The following RAP1B variants were observed in gnomAD, a reference collection of about 807,000 sequenced individuals.
RAP1B encodes the protein ras-related protein Rap-1b.
RAP1B carries 1 observed loss-of-function variant against 27.5 expected under a neutral mutation model. The observed-to-expected ratio is 0.04, with a 90% CI of 0.01 to 0.17. The LOEUF (loss-of-function observed/expected upper bound fraction) is 0.17, where lower values mean the gene tolerates loss of function less well. RAP1B is among the 10% of genes least tolerant of loss of function. The pLI, the probability that RAP1B is intolerant of heterozygous loss-of-function variation, is 1.00. For synonymous variants in RAP1B, 75 were observed against 73.1 expected, an observed-to-expected ratio of 1.03 and a Z score of -0.13; for missense variants, 84 against 214.8, an observed-to-expected ratio of 0.39 and a Z score of 3.81.
At chr12:68,636,027 C>A (rs4913461) in intron 1 of RAP1B, among the ~76,000 whole-genome samples, 1 of 151,616 alleles carries the variant, frequency 6.6e-6, no homozygotes, top group Admixed American at 6.6e-5. Flanking sequence ...TACAAGCGCC[C>A]GCCACCACAT....
chr12:68,631,140 A>C (rs1872205144), intron 1 of RAP1B, among the ~76,000 whole-genome samples: 1 of 152,154 alleles, frequency 6.6e-6, no homozygotes, highest in South Asian at 2.1e-4. Flanking sequence ...ATATCCTGTT[A>C]TAAAAAATAG....
intron 1 of RAP1B, chr12:68,642,392 T>G: frequency 2.1e-6 from 1 of 487,208 alleles, no homozygotes; most frequent in Admixed American, 3.4e-5. Context: ...GAGTTAGCAA[T>G]GAGAGATATT....
At chr12:68,657,281 G>C in intron 7 of RAP1B, 64 bp downstream of exon 7, 1 of 1,029,710 alleles carries the variant, frequency 9.7e-7, no homozygotes, top group Non-Finnish European at 1.5e-6. Context: ...ACTCTGTCAT[G>C]AAAGCAAGTA....
rs1874305373 is a variant in RAP1B, at chr12:68,657,723, AAAACACACACAC to A, written c.*30+508_*30+519del. The A allele has an allele frequency of 3.5e-5, 4 of 114,638 alleles. No individual in the cohort carries two copies. The East Asian group carries it at 1.0e-3, about 29-fold the overall frequency. The allele number at this position is 114,638 out of a possible 1,614,324, so 7.1% of individuals were successfully genotyped here. ...TCCCAGCCAACCCCGTCCCTAATTT[AAAACACACACAC>A]ACACACACACACACACACACACACA... On this transcript the variant is annotated intron_variant, in intron 7 of 7. Transcript: ENST00000250559.
intron 1 of RAP1B, among the ~76,000 whole-genome samples, chr12:68,644,099 T>C (rs573376778): frequency 9.8e-4 from 149 of 152,320 alleles, no homozygotes; most frequent in African/African-American, 2.0e-3. Context: ...GTGATTAATA[T>C]TAGCGGTCAG....
chr12:68,662,119 TTTCAATGCTGATAGGAATAAGGCTGTGG>T lies in RAP1B; in HGVS notation c.*2873_*2900del, dbSNP rs1160151279. On this transcript the variant is annotated 3_prime_UTR_variant, in exon 8 of 8. Transcript: ENST00000250559. ...TAATACTATATATATAATTTATTTT[TTTCAATGCTGATAGGAATAAGGCTGTGG>T]TTTGGCAAAAAGCACCATTTTCTCC... 2.0e-5 allele frequency: 3 copies of T among 150,088 alleles called. No homozygotes were observed. The highest frequency in any genetic ancestry group is 4.4e-5 in the Non-Finnish European group (3 of 67,648). 9.3% of individuals were successfully genotyped at this position (150,088 alleles called of 1,614,324 possible). A position where few individuals can be genotyped will look rare whatever the true frequency, so the allele number is the denominator to read the frequency against.
At chr12:68,643,100 A>G (rs1873139856) in intron 1 of RAP1B, 1 of 609,324 alleles carries the variant, frequency 1.6e-6, no homozygotes, top group Non-Finnish European at 2.9e-6. Flanking sequence ...TCTGTTGATT[A>G]TAGTTTTTGT....
rs1258617739 is a variant in RAP1B, at chr12:68,662,876, T to TA, written c.*3628dup. ...AGCTGGGCATGGTGGTGCACGTCTG[T>TA]ACCTGTAGTCCCAGCTATTCAGAAG... On this transcript the variant is annotated 3_prime_UTR_variant, in exon 8 of 8. Transcript: ENST00000250559. 2 of 152,082 alleles carry TA rather than the reference T, an allele frequency of 1.3e-5. No individual in the cohort carries two copies. Among genetic ancestry groups the TA allele is most frequent in the African/African-American group, 4.8e-5 (2 of 41,404 alleles). 9.4% of individuals were successfully genotyped at this position (152,082 alleles called of 1,614,324 possible).
chr12:68,642,511 A>G, intron 1 of RAP1B: 4 of 955,924 alleles, frequency 4.2e-6, no homozygotes, highest in East Asian at 2.4e-5. Context: ...CCTGGACTCA[A>G]TTTTATAAAT....
intron 1 of RAP1B, among the ~76,000 whole-genome samples, chr12:68,643,703 T>C (rs973883971): frequency 1.7e-4 from 26 of 152,314 alleles, no homozygotes; most frequent in Admixed American, 1.4e-3. Context: ...CTAAACTTGG[T>C]ATTTTTGAGT....
intron 5 of RAP1B, among the ~76,000 whole-genome samples, chr12:68,655,063 C>T (rs1344522620): frequency 6.6e-6 from 1 of 152,070 alleles, no homozygotes; most frequent in Non-Finnish European, 1.5e-5. Context: ...CTAATCCCAG[C>T]ACTTTGGGAG....
intron 1 of RAP1B, among the ~76,000 whole-genome samples, chr12:68,638,546 C>G (rs1327188463): frequency 6.6e-6 from 1 of 152,002 alleles, no homozygotes; most frequent in Non-Finnish European, 1.5e-5. Flanking sequence ...AAGATAATGA[C>G]TCCAAAATAT....
At chr12:68,626,760 G>T in intron 1 of RAP1B, 1 of 1,114,186 alleles carries the variant, frequency 9.0e-7, no homozygotes, top group Non-Finnish European at 1.3e-6. Flanking sequence ...GGTAGTATCA[G>T]AATTTTCCAG....
At position 68,614,705 on chromosome 12, in the gene RAP1B, T is replaced by C. The variant is rs1038158184; in HGVS notation, c.-27+3662T>C. 2.6e-5 allele frequency among the ~76,000 whole-genome samples: 4 copies of C among 152,354 alleles called. No homozygotes were observed. In the East Asian group the frequency reaches 7.7e-4, roughly 29 times the overall value. ...GAATTTTAGAACAAGTTAAGACATT[T>C]TGGCTGATGCAGTGATTCATTGTAA... On this transcript the variant is annotated intron_variant, in intron 1 of 7. Transcript: ENST00000250559.
At position 68,655,987 on chromosome 12, in the gene RAP1B, T is replaced by C. The variant is rs558298299; in HGVS notation, c.325-319T>C. Among the ~76,000 whole-genome samples the C allele has an allele frequency of 6.6e-5, 10 of 152,252 alleles. No individual in the cohort carries two copies. In the South Asian group the frequency reaches 2.1e-3, roughly 32 times the overall value. ...TCTCAAAAGTTTATGTAAAAGTGTC[T>C]TATTTATGTCTACATTGACTAGGTT... On this transcript the variant is annotated intron_variant, in intron 5 of 7. Transcript: ENST00000250559.
rs1046811340 is a variant in RAP1B at position 68,639,680 on chromosome 12, C to T, written c.-26-9019C>T. ...GCTGGCACAGGAACTCACCAAAGGG[C>T]ATTTTGTACATATTGAAAAACAGCA... On this transcript the variant is annotated intron_variant, in intron 1 of 7. Coordinates refer to ENST00000250559, the MANE Select transcript of RAP1B (RefSeq NM_001010942.3). 3.3e-5 allele frequency among the ~76,000 whole-genome samples: 5 copies of T among 152,254 alleles called. 1 individual carries two copies.
intron 1 of RAP1B, among the ~76,000 whole-genome samples, chr12:68,630,536 C>G (rs893121698): frequency 6.6e-6 from 1 of 152,176 alleles, no homozygotes; most frequent in Non-Finnish European, 1.5e-5. Flanking sequence ...TAGGTGTCTT[C>G]CATATTCCAG....
At chr12:68,654,986 C>G (rs536595663) in intron 5 of RAP1B, among the ~76,000 whole-genome samples, 1 of 151,972 alleles carries the variant, frequency 6.6e-6, no homozygotes, top group Non-Finnish European at 1.5e-5. Context: ...TAACAAGTTT[C>G]GAAGTGGTGT....
intron 1 of RAP1B, among the ~76,000 whole-genome samples, chr12:68,618,555 C>T (rs1871180462): frequency 6.6e-6 from 1 of 152,106 alleles, no homozygotes; most frequent in South Asian, 2.1e-4. Flanking sequence ...ACATTTTTGG[C>T]GAGTCTACAA....
Sources: allele counts gnomAD v4.1 joint callset (sites outside exome capture counted in the v4.1 genomes callset), GRCh38; gene constraint gnomAD v4.1.1; transcripts MANE v1.5; gene names NCBI Gene and HGNC (gene_info 2026-07-23, HGNC 2026-07-21).